The following CHM variants were observed in gnomAD, a reference collection of about 807,000 sequenced individuals.
The protein encoded by CHM is rab proteins geranylgeranyltransferase component A 1.
CHM carries 10 observed loss-of-function variants against 49.0 expected under a neutral mutation model. The observed-to-expected ratio is 0.20, with a 90% CI of 0.13 to 0.35. CHM has a LOEUF of 0.35. Ranked by LOEUF, CHM falls within the 10% of genes least tolerant of loss-of-function variation. CHM has a pLI of 1.00. For synonymous variants in CHM, 184 were observed against 167.5 expected (o/e 1.10, Z -0.76); for missense variants, 455 against 478.4 (o/e 0.95, Z 0.46).
chrX:85,975,428 C>A (rs1012048299), intron 4 of CHM, among the ~76,000 whole-genome samples: 1 of 111,705 alleles, frequency 9.0e-6, no homozygotes, highest in Non-Finnish European at 1.9e-5. Context: ...AATGATTAAA[C>A]AAACTGTGGT....
intron 11 of CHM, among the ~76,000 whole-genome samples, chrX:85,895,136 G>GTTTT (rs527920499): frequency 1.2e-5 from 1 of 82,103 alleles, no homozygotes; most frequent in African/African-American, 4.4e-5. Flanking sequence ...GTTTTTTTTT[G>GTTTT]TTTTTTTTTT....
intron 2 of CHM, among the ~76,000 whole-genome samples, chrX:86,011,096 G>A (rs1933052291): frequency 8.9e-6 from 1 of 111,897 alleles, no homozygotes; most frequent in African/African-American, 3.2e-5. Context: ...AAGGTTTATT[G>A]AGGGATTGTT....
In CHM at chrX:86,026,102, C is replaced by CTTTTTTTTTTTTTTTTTTTTTTTTTT. The variant is rs1167691945; in HGVS notation, c.116+1363_116+1388dup. Among the ~76,000 whole-genome samples, 5 of 26,761 alleles carry CTTTTTTTTTTTTTTTTTTTTTTTTTT rather than the reference C, an allele frequency of 1.9e-4. 1 individual carries two copies. Among genetic ancestry groups the CTTTTTTTTTTTTTTTTTTTTTTTTTT allele is most frequent in the Non-Finnish European group, 3.0e-4 (4 of 13,232 alleles). 23.2% of individuals were successfully genotyped at this position (26,761 alleles called of 115,157 possible). Reference sequence around the variant, plus strand: ...CTGGGCTTTCAAGGTAGCAGATTTTCTTTTTTTTTTTTTTTTTTTTTTTTT... The same window carrying CTTTTTTTTTTTTTTTTTTTTTTTTTT: ...CTGGGCTTTCAAGGTAGCAGATTTTCTTTTTTTTTTTTTTTTTTTTTTTTTTTTTTTTTTTTTTTTTTTTTTTTTTT... On this transcript the variant is annotated intron_variant, in intron 2 of 14. Transcript: ENST00000357749.
At chrX:85,978,417 C>T (rs1419390735) in intron 4 of CHM, among the ~76,000 whole-genome samples, 1 of 111,514 alleles carries the variant, frequency 9.0e-6, no homozygotes, top group Non-Finnish European at 1.9e-5. Context: ...GTTTACCAAG[C>T]CACGTGACCT....
chrX:85,981,875 A>T, intron 2 of CHM, 66 bp from the exon 3 acceptor site: 2 of 852,310 alleles, frequency 2.3e-6, no homozygotes, highest in Non-Finnish European at 3.3e-6. Flanking sequence ...ACTGATCTTC[A>T]TCAACAAACC....
At chrX:85,937,865 A>T (rs1928877905) in intron 8 of CHM, among the ~76,000 whole-genome samples, 1 of 109,838 alleles carries the variant, frequency 9.1e-6, no homozygotes, top group African/African-American at 3.3e-5. Flanking sequence ...AAAGGAAATT[A>T]AACTGTATCC....
chrX:85,989,379 C>G (rs1472891370), intron 2 of CHM, among the ~76,000 whole-genome samples: 1 of 111,732 alleles, frequency 8.9e-6, no homozygotes, highest in Non-Finnish European at 1.9e-5. Flanking sequence ...AATGCAAAAC[C>G]CAAAACTATT....
intron 4 of CHM, among the ~76,000 whole-genome samples, chrX:85,978,187 T>TA (rs1230521069): frequency 2.7e-5 from 3 of 112,060 alleles, no homozygotes. Context: ...GGGAGATACT[T>TA]AAAACATTAC....
intron 12 of CHM, among the ~76,000 whole-genome samples, chrX:85,884,153 A>G (rs1924937325): frequency 9.0e-6 from 1 of 111,467 alleles, no homozygotes; most frequent in Admixed American, 9.6e-5. Flanking sequence ...TGAAAAACAC[A>G]ATAAACAAAT....
chrX:85,922,199 G>A (rs2148184432), intron 8 of CHM, among the ~76,000 whole-genome samples: 1 of 112,160 alleles, frequency 8.9e-6, no homozygotes, highest in East Asian at 2.8e-4. Flanking sequence ...AAATCATGTA[G>A]TAGTAATATA....
At chrX:85,982,635 T>C (rs1931691957) in intron 2 of CHM, among the ~76,000 whole-genome samples, 1 of 111,173 alleles carries the variant, frequency 9.0e-6, no homozygotes, top group Non-Finnish European at 1.9e-5. Flanking sequence ...CGGATCCTTG[T>C]AAAACGATTT....
chrX:85,913,337 AAAG>A (rs1927211887), intron 8 of CHM, among the ~76,000 whole-genome samples: 7 of 52,555 alleles, frequency 1.3e-4, no homozygotes, highest in African/African-American at 3.3e-4. Context: ...AAAAAAAAAG[AAAG>A]AAAGAAAGAA....
Position 85,917,373 on chromosome X carries a change from A to ATCTAT in CHM, c.1167-6040_1167-6036dup, listed in dbSNP as rs1461286825. On this transcript the variant is annotated intron_variant, in intron 8 of 14. Transcript: ENST00000357749. The stretch of plus-strand genomic sequence containing the variant: ...GGCTTAATACCTGGGTGATGAAATA[A>ATCTAT]TCTATGCAACAAATCACCATGACAC... Among the ~76,000 whole-genome samples the ATCTAT allele has an allele frequency of 4.5e-5, 5 of 111,486 alleles. No individual in the cohort carries two copies. In the East Asian group the frequency reaches 1.4e-3, roughly 31 times the overall value.
chrX:85,877,332 G>A (rs763950502), intron 13 of CHM, among the ~76,000 whole-genome samples: 286 of 111,503 alleles, frequency 2.6e-3, no homozygotes, highest in African/African-American at 9.1e-3. Flanking sequence ...AGTGAAATAA[G>A]CTAGGCACAG....
chrX:85,979,523 G>T (rs1317656228), intron 3 of CHM, among the ~76,000 whole-genome samples: 1 of 111,653 alleles, frequency 9.0e-6, no homozygotes, highest in Non-Finnish European at 1.9e-5. Context: ...GTTGAAAGTG[G>T]TCCGTTAAAA....
At chrX:86,011,280 C>T (rs1603278447) in intron 2 of CHM, among the ~76,000 whole-genome samples, 3 of 110,922 alleles carry the variant, frequency 2.7e-5, no homozygotes, top group Non-Finnish European at 3.8e-5. Context: ...TTGATACTAC[C>T]GGGATTATCA....
intron 13 of CHM, among the ~76,000 whole-genome samples, chrX:85,878,019 C>G (rs1010624312): frequency 1.8e-5 from 2 of 112,027 alleles, no homozygotes; most frequent in African/African-American, 6.5e-5. Context: ...ATGCAAAAGG[C>G]TTCTTTTATC....
chrX:85,997,464 A>T (rs1427938556), intron 2 of CHM, among the ~76,000 whole-genome samples: 1 of 111,335 alleles, frequency 9.0e-6, no homozygotes, highest in Non-Finnish European at 1.9e-5. Context: ...ATTATTGACA[A>T]GTTTTAGGGT....
intron 4 of CHM, chrX:85,970,208 CAAT>C: frequency 3.2e-6 from 2 of 633,834 alleles, no homozygotes; most frequent in Non-Finnish European, 3.8e-6. Flanking sequence ...TGAATATATA[CAAT>C]TATTATGTAT....
Sources: allele counts gnomAD v4.1 joint callset (sites outside exome capture counted in the v4.1 genomes callset), GRCh38; gene constraint gnomAD v4.1.1; transcripts MANE v1.5; gene names NCBI Gene and HGNC (gene_info 2026-07-23, HGNC 2026-07-21).